DNAH5: variants seen among roughly 807,000 people sequenced by gnomAD.
DNAH5 encodes dynein axonemal heavy chain 5.
In DNAH5, 372 loss-of-function variants were observed where a neutral mutation model predicts 518.2. That is an observed-to-expected ratio of 0.72 (90% CI 0.66 to 0.78). The LOEUF (loss-of-function observed/expected upper bound fraction) is 0.78, where lower values mean the gene tolerates loss of function less well. Among genes scored for constraint, DNAH5 ranks in the 30% least tolerant of loss-of-function variants. The pLI, the probability that DNAH5 is intolerant of heterozygous loss-of-function variation, is 0.00. For synonymous variants in DNAH5, 2,039 were observed against 2,025.9 expected, an observed-to-expected ratio of 1.01 and a Z score of -0.17; for missense variants, 5,523 against 5,687.0, an observed-to-expected ratio of 0.97 and a Z score of 0.93.
intron 11 of DNAH5, among the ~76,000 whole-genome samples, chr5:13,912,809 A>C (rs1038369657): frequency 6.6e-6 from 1 of 151,930 alleles, no homozygotes; most frequent in South Asian, 2.1e-4. Context: ...TATTAAGTTA[A>C]ATAAAGGAAA....
Position 13,885,105 on chromosome 5 carries a change from CG to C in DNAH5, c.2866del (p.Arg956AlafsTer16). 6.2e-7 allele frequency: 1 copy of C among 1,614,222 alleles called. No individual in the cohort carries two copies. The highest frequency in any genetic ancestry group is 8.5e-7 in the Non-Finnish European group (1 of 1,180,028). ...ATGGTTGAAATGAGAGAGTAACTCG[CG>C]GGCTTCTTCCCCTAACATCTCAGTT... ...KETEMLGEEARELLSHFNHQN... is the reference protein window; with the variant it reads ...KETEMLGEEAXELLSHFNHQN... On this transcript the variant is annotated frameshift_variant, in exon 19 of 79. Transcript: ENST00000265104. LOFTEE classifies it high-confidence loss of function.
At chr5:13,744,588 T>G (rs371342760) in intron 65 of DNAH5, among the ~76,000 whole-genome samples, 1 of 152,078 alleles carries the variant, frequency 6.6e-6, no homozygotes, top group Admixed American at 6.6e-5. Flanking sequence ...AATATCACTA[T>G]GTACCCCATA....
intron 55 of DNAH5, among the ~76,000 whole-genome samples, chr5:13,774,057 A>C (rs1446077640): frequency 6.6e-6 from 1 of 152,160 alleles, no homozygotes; most frequent in Admixed American, 6.6e-5. Context: ...TTTTCCTAAG[A>C]ACAATAGGAA....
At chr5:13,734,934 C>T (rs1458281994) in intron 68 of DNAH5, among the ~76,000 whole-genome samples, 197 bp downstream of exon 68, 3 of 152,128 alleles carry the variant, frequency 2.0e-5, no homozygotes, top group Non-Finnish European at 4.4e-5. Context: ...CCCCAAATAC[C>T]TATTCCATGC....
chr5:13,811,076 G>C (rs1760627938), intron 44 of DNAH5, among the ~76,000 whole-genome samples: 1 of 152,168 alleles, frequency 6.6e-6, no homozygotes, highest in African/African-American at 2.4e-5. Flanking sequence ...GTTACCAGAG[G>C]CTAGGAAGGG....
chr5:13,804,871 C>CT (rs1759333018), intron 47 of DNAH5, among the ~76,000 whole-genome samples: 1 of 152,170 alleles, frequency 6.6e-6, no homozygotes, highest in Admixed American at 6.5e-5. Flanking sequence ...TAACATATGG[C>CT]TTTTTCCAGG....
intron 59 of DNAH5, 34 bp from the exon 60 acceptor site, chr5:13,762,935 A>C (rs1751986079): frequency 6.4e-7 from 1 of 1,562,370 alleles, no homozygotes; most frequent in Non-Finnish European, 8.8e-7. Flanking sequence ...AAGTCGAAAC[A>C]CTTCTTTCCA....
chr5:13,856,005 AGG>A (rs1406761145), intron 30 of DNAH5, among the ~76,000 whole-genome samples: 1 of 152,248 alleles, frequency 6.6e-6, no homozygotes, highest in Non-Finnish European at 1.5e-5. Flanking sequence ...CACTGTTTAG[AGG>A]GAAATTTATA....
intron 18 of DNAH5, among the ~76,000 whole-genome samples, chr5:13,885,613 T>C (rs182305553): frequency 6.6e-6 from 1 of 152,304 alleles, no homozygotes; most frequent in East Asian, 1.9e-4. Context: ...TCCTCTGTCC[T>C]GCAAAAGGTG....
At chr5:13,702,313 T>C (rs1407157097) in intron 76 of DNAH5, among the ~76,000 whole-genome samples, 2 of 152,236 alleles carry the variant, frequency 1.3e-5, no homozygotes, top group African/African-American at 2.4e-5. Context: ...TCAAGAGTTA[T>C]TGAGATTCCA....
chr5:13,717,292 T>A lies in DNAH5; in HGVS notation c.12705+23A>T, dbSNP rs375727884. 5 of 1,608,026 alleles carry A rather than the reference T, an allele frequency of 3.1e-6. No homozygotes were observed. In the African/African-American group the frequency reaches 5.3e-5, roughly 17 times the overall value. On this transcript the variant is annotated intron_variant, in intron 73 of 78. Coordinates refer to ENST00000265104, the MANE Select transcript of DNAH5 (RefSeq NM_001369.3). ...CCCAAGCCCACAGCCACTAGAGGCATGAGGCAGCATGCGCGGCAGTACCTT... is the reference window on the plus strand; with the variant it reads ...CCCAAGCCCACAGCCACTAGAGGCAAGAGGCAGCATGCGCGGCAGTACCTT...
chr5:13,866,309 T>C lies in DNAH5; in HGVS notation c.4054-27A>G, dbSNP rs747523292. The C allele has an allele frequency of 8.1e-6, 13 of 1,595,182 alleles. No individual in the cohort carries two copies. The South Asian group carries it at 1.3e-4, about 16-fold the overall frequency. The stretch of plus-strand genomic sequence containing the variant: ...TGAACAAAAAGTAAAAAAAGAAAAA[T>C]AGAAGGAAGTGTTTGCATATAAATT... On this transcript the variant is annotated intron_variant, in intron 25 of 78. Coordinates refer to ENST00000265104, the MANE Select transcript of DNAH5 (RefSeq NM_001369.3).
At chr5:13,833,088 T>C (rs939389907) in intron 35 of DNAH5, among the ~76,000 whole-genome samples, 6 of 143,392 alleles carry the variant, frequency 4.2e-5, no homozygotes, top group African/African-American at 1.6e-4. Context: ...TAGGGCATGT[T>C]TAAGGAGAAA....
chr5:13,971,302 C>T (rs567788398), intron 1 of DNAH5, among the ~76,000 whole-genome samples: 9 of 152,094 alleles, frequency 5.9e-5, no homozygotes, highest in Admixed American at 3.3e-4. Context: ...GGTTTGAATC[C>T]ATTGCTGATC....
At chr5:13,904,937 A>G (rs371946603) in intron 12 of DNAH5, among the ~76,000 whole-genome samples, 4 of 152,278 alleles carry the variant, frequency 2.6e-5, no homozygotes, top group East Asian at 3.9e-4. Flanking sequence ...TGAAAGAAAG[A>G]AAGAAATAGT....
At chr5:13,900,668 C>A in intron 14 of DNAH5, 1 of 513,924 alleles carries the variant, frequency 1.9e-6, no homozygotes, top group East Asian at 3.6e-5. Context: ...TAAGTGGACA[C>A]TGCAACAGTG....
chr5:13,866,993 A>G (rs929724312), intron 25 of DNAH5, among the ~76,000 whole-genome samples: 3 of 152,188 alleles, frequency 2.0e-5, no homozygotes, highest in Admixed American at 6.5e-5. Flanking sequence ...ACTACTGTGT[A>G]GTCAGCACCA....
At chr5:13,698,935 C>G (rs1215256338) in intron 78 of DNAH5, among the ~76,000 whole-genome samples, 1 of 152,134 alleles carries the variant, frequency 6.6e-6, no homozygotes, top group Non-Finnish European at 1.5e-5. Flanking sequence ...TAGGCAAATT[C>G]ACAAATACAA....
chr5:13,850,256 A>T (rs577406566), intron 31 of DNAH5, among the ~76,000 whole-genome samples: 1 of 152,188 alleles, frequency 6.6e-6, no homozygotes, highest in South Asian at 2.1e-4. Flanking sequence ...TAGATATTAG[A>T]CACTTTTTAA....
Sources: allele counts gnomAD v4.1 joint callset (sites outside exome capture counted in the v4.1 genomes callset), GRCh38; gene constraint gnomAD v4.1.1; transcripts MANE v1.5; gene names NCBI Gene and HGNC (gene_info 2026-07-23, HGNC 2026-07-21).